The following KCNIP1 variants were observed in gnomAD, a reference collection of about 807,000 sequenced individuals.
KCNIP1 encodes potassium voltage-gated channel interacting protein 1, also known as A-type potassium channel modulatory protein KCNIP1.
KCNIP1 carries 18 observed loss-of-function variants against 33.0 expected under a neutral mutation model. That is an observed-to-expected ratio of 0.55 (90% confidence interval 0.38 to 0.81). The LOEUF (loss-of-function observed/expected upper bound fraction) is 0.81. Ranked by LOEUF, KCNIP1 falls within the 30% of genes least tolerant of loss-of-function variation. KCNIP1 has a pLI of 0.00. For missense variants in KCNIP1, 238 were observed against 271.6 expected (o/e 0.88, Z 0.87); for synonymous variants, 93 against 98.3 (o/e 0.95, Z 0.32).
upstream of KCNIP1, among the ~76,000 whole-genome samples, chr5:170,502,389 G>C (rs1458797779): frequency 2.0e-5 from 3 of 152,194 alleles, no homozygotes; most frequent in Non-Finnish European, 4.4e-5. Context: ...GCCCTGAGGG[G>C]ACAGCTCATG....
At chr5:170,487,022 C>T (rs1757109430) in intron 1 of KCNIP1, among the ~76,000 whole-genome samples, 1 of 152,140 alleles carries the variant, frequency 6.6e-6, no homozygotes, top group Non-Finnish European at 1.5e-5. Context: ...TTATATATTA[C>T]ACACATGCAC....
At chr5:170,462,972 G>A (rs1011510182) in intron 1 of KCNIP1, among the ~76,000 whole-genome samples, 3 of 152,156 alleles carry the variant, frequency 2.0e-5, no homozygotes, top group Non-Finnish European at 4.4e-5. Flanking sequence ...CTCAGGGGGA[G>A]AGGGTGGGGA....
intron 1 of KCNIP1, among the ~76,000 whole-genome samples, chr5:170,464,791 C>T (rs1050638091): frequency 6.6e-6 from 1 of 152,188 alleles, no homozygotes; most frequent in African/African-American, 2.4e-5. Context: ...GCTTGGGAAT[C>T]ATGGAATTCT....
chr5:170,474,873 ACAGAACAAACCCCCCAC>A (rs1464315420), intron 1 of KCNIP1, among the ~76,000 whole-genome samples: 1 of 152,176 alleles, frequency 6.6e-6, no homozygotes, highest in Admixed American at 6.5e-5. Context: ...GTGAAGAGCA[ACAGAACAAACCCCCCAC>A]CGCGTAGAAG....
intron 1 of KCNIP1, among the ~76,000 whole-genome samples, chr5:170,461,056 T>C (rs1756491294): frequency 6.6e-6 from 1 of 151,890 alleles, no homozygotes; most frequent in African/African-American, 2.4e-5. Context: ...TCTTTTACAA[T>C]AGCTGCAAAA....
At chr5:170,490,490 T>G (rs1235457667) in intron 1 of KCNIP1, among the ~76,000 whole-genome samples, 1 of 152,032 alleles carries the variant, frequency 6.6e-6, no homozygotes, top group Non-Finnish European at 1.5e-5. Context: ...CCCATAAGAG[T>G]GCATATAAAA....
chr5:170,534,684 A>G (rs1755909407), intron 1 of KCNIP1, among the ~76,000 whole-genome samples: 1 of 151,544 alleles, frequency 6.6e-6, no homozygotes, highest in South Asian at 2.1e-4. Context: ...ATGCCCAGCT[A>G]ATTTTTTTTT....
At chr5:170,484,086 T>TC in intron 1 of KCNIP1, 2 of 152,216 alleles carry the variant, frequency 1.3e-5, no homozygotes, top group Non-Finnish European at 1.5e-5. Context: ...CATCATGCCA[T>TC]CCCCCCACAG....
At chr5:170,623,842 A>G (rs547723825) in intron 1 of KCNIP1, among the ~76,000 whole-genome samples, 1 of 152,166 alleles carries the variant, frequency 6.6e-6, no homozygotes, top group African/African-American at 2.4e-5. Flanking sequence ...GAGGTCTTAC[A>G]TTGGGGGCCC....
intron 1 of KCNIP1, among the ~76,000 whole-genome samples, chr5:170,571,651 G>A (rs1169425914): frequency 6.6e-6 from 1 of 152,190 alleles, no homozygotes; most frequent in Admixed American, 6.5e-5. Flanking sequence ...CAGAGAGCAC[G>A]TCCATCTGAC....
intron 1 of KCNIP1, among the ~76,000 whole-genome samples, chr5:170,396,029 A>T (rs1023357690): frequency 9.2e-5 from 14 of 152,216 alleles, no homozygotes; most frequent in African/African-American, 3.4e-4. Context: ...CAGTGATGGG[A>T]GTAGCTATAC....
intron 1 of KCNIP1, among the ~76,000 whole-genome samples, chr5:170,558,625 C>T (rs1581323740): frequency 6.6e-6 from 1 of 152,212 alleles, no homozygotes; most frequent in Non-Finnish European, 1.5e-5. Context: ...TGGGACCAGC[C>T]AGGAGTGACC....
At chr5:170,460,130 C>T (rs1418950389) in intron 1 of KCNIP1, among the ~76,000 whole-genome samples, 2 of 152,072 alleles carry the variant, frequency 1.3e-5, no homozygotes, top group African/African-American at 4.8e-5. Flanking sequence ...ACCCTCCTTG[C>T]TTAAATCAGG....
intron 1 of KCNIP1, among the ~76,000 whole-genome samples, chr5:170,690,892 T>C (rs932296704): frequency 6.6e-6 from 1 of 152,232 alleles, no homozygotes; most frequent in Admixed American, 6.5e-5. Context: ...ATACTTAGCT[T>C]CTGTGCACAA....
intron 1 of KCNIP1, among the ~76,000 whole-genome samples, chr5:170,552,157 G>A (rs1756671869): frequency 6.6e-6 from 1 of 152,104 alleles, no homozygotes; most frequent in Admixed American, 6.5e-5. Context: ...TTTGTCACAG[G>A]TCTCTCAACA....
chr5:170,391,852 G>A (rs962745739), intron 1 of KCNIP1, among the ~76,000 whole-genome samples: 1 of 152,194 alleles, frequency 6.6e-6, no homozygotes, highest in African/African-American at 2.4e-5. Flanking sequence ...TAAGCTACCT[G>A]ACACATAGTA....
At chr5:170,714,899 T>G (rs1481289928) in intron 1 of KCNIP1, among the ~76,000 whole-genome samples, 6 of 152,038 alleles carry the variant, frequency 3.9e-5, no homozygotes, top group Admixed American at 2.0e-4. Context: ...AAAAAAAAAT[T>G]TATTAATTTA....
At chr5:170,642,827 T>C (rs996193282) in intron 1 of KCNIP1, among the ~76,000 whole-genome samples, 18 of 152,198 alleles carry the variant, frequency 1.2e-4, no homozygotes, top group African/African-American at 2.7e-4. Flanking sequence ...CATCGTCCCA[T>C]GTAATCTTTA....
intron 1 of KCNIP1, among the ~76,000 whole-genome samples, chr5:170,565,995 G>A (rs2113469858): frequency 6.6e-6 from 1 of 152,182 alleles, no homozygotes; most frequent in Middle Eastern, 3.4e-3. Flanking sequence ...CAATTATGGG[G>A]GAAACTTGTT....
Sources: gnomAD v4.1 joint callset for allele counts (sites outside exome capture counted in the v4.1 genomes callset) on GRCh38, gnomAD v4.1.1 for gene constraint, MANE v1.5 for transcripts, NCBI Gene and HGNC (gene_info 2026-07-23, HGNC 2026-07-21) for gene names.